Variants in NHSL1 observed in about 807,000 individuals in gnomAD.
NHSL1 encodes NHS-like protein 1.
Under a neutral mutation model 95.0 loss-of-function variants are expected in NHSL1, and 48 were observed. The ratio of observed to expected loss-of-function variants is 0.51; its 90% CI spans 0.40 to 0.64. The LOEUF is 0.64. Ranked by LOEUF, NHSL1 falls within the 30% of genes least tolerant of loss-of-function variation. The pLI is 0.00. For synonymous variants in NHSL1, 783 were observed against 833.9 expected, an observed-to-expected ratio of 0.94 and a Z score of 1.05; for missense variants, 1,971 against 2,077.7, an observed-to-expected ratio of 0.95 and a Z score of 1.00.
chr6:138,688,567 C>T (rs145083047), intron 1 of NHSL1, among the ~76,000 whole-genome samples: 1 of 151,922 alleles, frequency 6.6e-6, no homozygotes, highest in Non-Finnish European at 1.5e-5. Context: ...TGCTTGAACC[C>T]GGGAGGCAGA....
chr6:138,596,795 A>G (rs1457590347), intron 1 of NHSL1, among the ~76,000 whole-genome samples: 1 of 152,094 alleles, frequency 6.6e-6, no homozygotes, highest in East Asian at 1.9e-4. Context: ...GAAAGCTTCC[A>G]TGAGATAATC....
At chr6:138,480,539 G>A (rs76115030) in intron 2 of NHSL1, among the ~76,000 whole-genome samples, 286 of 152,302 alleles carry the variant, frequency 1.9e-3, no homozygotes, top group African/African-American at 6.4e-3. Context: ...TGACGTGTAT[G>A]AGTATGAGCT....
At chr6:138,645,524 T>C (rs571592384) in intron 1 of NHSL1, among the ~76,000 whole-genome samples, 170 of 151,692 alleles carry the variant, frequency 1.1e-3, no homozygotes, top group Non-Finnish European at 1.9e-3. Context: ...TTTTTTTTTT[T>C]TGGGACAGAG....
chr6:138,657,740 G>A (rs1189337053), intron 1 of NHSL1, among the ~76,000 whole-genome samples: 4 of 149,832 alleles, frequency 2.7e-5, no homozygotes, highest in African/African-American at 4.9e-5. Flanking sequence ...GTGTGAACCC[G>A]GGAGGCAGAG....
At chr6:138,568,763 T>C (rs556448122) in intron 1 of NHSL1, among the ~76,000 whole-genome samples, 1 of 152,304 alleles carries the variant, frequency 6.6e-6, no homozygotes, top group African/African-American at 2.4e-5. Context: ...AAATGCATAC[T>C]AGTAGCTTCT....
chr6:138,484,605 T>TAA (rs1779613492), intron 2 of NHSL1, among the ~76,000 whole-genome samples: 1 of 152,204 alleles, frequency 6.6e-6, no homozygotes, highest in Non-Finnish European at 1.5e-5. Flanking sequence ...CCCCATGTCT[T>TAA]GGGACCAATA....
chr6:138,585,940 A>G (rs1333590902), intron 1 of NHSL1, among the ~76,000 whole-genome samples: 5 of 151,970 alleles, frequency 3.3e-5, no homozygotes, highest in Non-Finnish European at 1.5e-5. Flanking sequence ...AGTTCCAGCT[A>G]CAAGGGAGCC....
At chr6:138,481,676 C>T (rs1433146110) in intron 2 of NHSL1, among the ~76,000 whole-genome samples, 1 of 152,046 alleles carries the variant, frequency 6.6e-6, no homozygotes, top group Non-Finnish European at 1.5e-5. Flanking sequence ...TAAATAGGCC[C>T]TTTTGGTTTA....
intron 1 of NHSL1, among the ~76,000 whole-genome samples, chr6:138,590,711 C>A (rs560997180): frequency 2.0e-5 from 3 of 152,158 alleles, no homozygotes; most frequent in African/African-American, 7.2e-5. Flanking sequence ...TTGGGAGAAT[C>A]GGCATAGTAC....
Position 138,447,196 on chromosome 6 carries a change from G to A in NHSL1, c.340-3C>T. On this transcript the variant is annotated splice_region_variant and splice_polypyrimidine_tract_variant and intron_variant, in intron 3 of 7. Coordinates refer to ENST00000343505, the MANE Select transcript of NHSL1 (RefSeq NM_001144060.2). ...TCTTCTGATGAAGACAGAGAACACT[G>A]CAGAGAAAAAAGAAGCAGCAGCCAC... is the stretch of plus-strand genomic sequence containing the variant. 1 of 1,549,344 alleles carries A rather than the reference G, an allele frequency of 6.5e-7. No individual in the cohort carries two copies. The highest frequency in any genetic ancestry group is 1.4e-5 in the African/African-American group (1 of 72,976).
chr6:138,625,631 CT>C (rs1339589127), intron 1 of NHSL1, among the ~76,000 whole-genome samples: 2 of 129,220 alleles, frequency 1.5e-5, no homozygotes, highest in Non-Finnish European at 3.2e-5. Context: ...TGTTTTTGTG[CT>C]TTTTTAATTA....
At chr6:138,484,499 G>GA (rs1779607518) in intron 2 of NHSL1, among the ~76,000 whole-genome samples, 2 of 152,074 alleles carry the variant, frequency 1.3e-5, no homozygotes, top group South Asian at 4.1e-4. Flanking sequence ...ACCACAGAGG[G>GA]AAAATACACT....
At chr6:138,642,457 C>T (rs2114687238) in intron 1 of NHSL1, among the ~76,000 whole-genome samples, 1 of 152,042 alleles carries the variant, frequency 6.6e-6, no homozygotes, top group South Asian at 2.1e-4. Context: ...ATGACATGGG[C>T]AAAAAAGCTT....
chr6:138,542,288 A>C (rs759183110), intron 1 of NHSL1, among the ~76,000 whole-genome samples: 6 of 152,214 alleles, frequency 3.9e-5, no homozygotes, highest in Non-Finnish European at 8.8e-5. Context: ...CAGAGGGAGC[A>C]CGGCCCTGCC....
chr6:138,503,836 C>T (rs1211965255), upstream of NHSL1, among the ~76,000 whole-genome samples: 1 of 152,156 alleles, frequency 6.6e-6, no homozygotes, highest in African/African-American at 2.4e-5. Context: ...TGCTTTGCCC[C>T]CCAAACTGTT....
intron 3 of NHSL1, among the ~76,000 whole-genome samples, chr6:138,466,043 G>T (rs1040876498): frequency 3.8e-5 from 5 of 132,020 alleles, no homozygotes; most frequent in Middle Eastern, 0.011. Flanking sequence ...CTCCTTTTTG[G>T]GGGGGGGGCA....
At chr6:138,586,735 G>A (rs1562383671) in intron 1 of NHSL1, among the ~76,000 whole-genome samples, 2 of 152,186 alleles carry the variant, frequency 1.3e-5, no homozygotes, top group Admixed American at 1.3e-4. Context: ...GGGATGATCA[G>A]TAAGCATGTG....
chr6:138,645,947 A>G lies in NHSL1; in HGVS notation c.96+46529T>C, dbSNP rs142545541. Among the ~76,000 whole-genome samples, 571 of 152,302 alleles carry G rather than the reference A, an allele frequency of 3.7e-3. 7 individuals are homozygous for G. The highest frequency in any genetic ancestry group is 0.013 in the African/African-American group (553 of 41,544). ...TATACTGTTAAAAATGTTTTAAATG[A>G]ATGAGTGTATGATATAATCAGCAAA... is the stretch of plus-strand genomic sequence containing the variant. On this transcript the variant is annotated intron_variant, in intron 1 of 3. Coordinates refer to the NHSL1 transcript ENST00000491526.
intron 2 of NHSL1, among the ~76,000 whole-genome samples, chr6:138,474,999 T>G (rs1463797179): frequency 6.6e-6 from 1 of 151,946 alleles, no homozygotes; most frequent in Non-Finnish European, 1.5e-5. Flanking sequence ...AAATACAAAA[T>G]TAGCCAGGTG....
Sources: allele counts gnomAD v4.1 joint callset (sites outside exome capture counted in the v4.1 genomes callset), GRCh38; gene constraint gnomAD v4.1.1; transcripts MANE v1.5; gene names NCBI Gene and HGNC (gene_info 2026-07-23, HGNC 2026-07-21).